The following NEDD4L variants were observed in gnomAD, a reference collection of about 807,000 sequenced individuals.
The protein encoded by NEDD4L is E3 ubiquitin-protein ligase NEDD4-like.
In NEDD4L, 54 loss-of-function variants were observed where a neutral mutation model predicts 148.9. The observed-to-expected ratio is 0.36, with a 90% CI of 0.29 to 0.45. The LOEUF is 0.45. NEDD4L is among the 20% of genes least tolerant of loss of function. The pLI is 1.00. For missense variants in NEDD4L, 856 were observed against 1,233.8 expected (o/e 0.69, Z 4.59); for synonymous variants, 433 against 440.7 (o/e 0.98, Z 0.22).
chr18:58,351,272 T>C (rs1225872890), intron 18 of NEDD4L: 6 of 699,958 alleles, frequency 8.6e-6, no homozygotes, highest in Non-Finnish European at 1.1e-5. Flanking sequence ...TTGTGACCTA[T>C]TAACGTGTTT....
intron 18 of NEDD4L, among the ~76,000 whole-genome samples, chr18:58,352,856 A>G (rs1376717210): frequency 2.6e-5 from 4 of 152,200 alleles, no homozygotes; most frequent in Non-Finnish European, 5.9e-5. Flanking sequence ...GGTCCCCCTA[A>G]AAAGAATGTT....
At chr18:58,136,812 A>G (rs1182915316) in intron 1 of NEDD4L, among the ~76,000 whole-genome samples, 1 of 152,212 alleles carries the variant, frequency 6.6e-6, no homozygotes, top group Non-Finnish European at 1.5e-5. Flanking sequence ...TTTAAAAGGT[A>G]CAATCCAGAA....
At position 58,067,036 on chromosome 18, in the gene NEDD4L, T is replaced by A. The variant is rs556593057; in HGVS notation, c.48+22328T>A. ...CAGAATTTGTCATTTTAAAAAAAAA[T>A]TTTTAAGATTAGCTTATCAATTTAA... On this transcript the variant is annotated intron_variant, in intron 1 of 30. Transcript: ENST00000400345. Among the ~76,000 whole-genome samples, 582 of 152,240 alleles carry A rather than the reference T, an allele frequency of 3.8e-3. 3 individuals are homozygous for A. The highest frequency in any genetic ancestry group is 6.2e-3 in the Non-Finnish European group (419 of 67,994).
chr18:58,366,145 T>C lies in NEDD4L; in HGVS notation c.1980T>C (p.Tyr660=), dbSNP rs202013710. The C allele has an allele frequency of 6.9e-4, 1,117 of 1,613,558 alleles. 3 individuals carry two copies. Among genetic ancestry groups the C allele is most frequent in the Non-Finnish European group, 6.4e-4 (757 of 1,179,778 alleles). The part of the protein sequence containing the change: ...IEFESEKGLD[Y]GGVAREWFFL... Reference sequence around the variant, plus strand: ...TTGAATCAGAGAAAGGTCTTGACTATGGGGGTGTGGCCAGAGAATGGTTCT... The same window carrying C: ...TTGAATCAGAGAAAGGTCTTGACTACGGGGGTGTGGCCAGAGAATGGTTCT... The change falls in exon 21 of 31, where the codon TAT becomes TAC. Residue 660 remains tyrosine, a synonymous_variant. Transcript: ENST00000400345. The surrounding 1 kb of genome is among the most constrained non-coding windows in gnomAD (Gnocchi z 4.2).
At chr18:58,165,636 T>C in intron 1 of NEDD4L, 152 bp from the exon 2 acceptor site, 1 of 1,510,306 alleles carries the variant, frequency 6.6e-7, no homozygotes, top group Non-Finnish European at 8.9e-7. Flanking sequence ...CTTTTTGAAC[T>C]TCAGTGTAAG....
chr18:58,063,876 C>T (rs556816576), intron 1 of NEDD4L, among the ~76,000 whole-genome samples: 5 of 149,592 alleles, frequency 3.3e-5, no homozygotes, highest in Non-Finnish European at 7.4e-5. Flanking sequence ...TTTTAAGCTT[C>T]GGTAAGGTAG....
intron 2 of NEDD4L, among the ~76,000 whole-genome samples, chr18:58,240,708 G>A (rs550447723): frequency 3.3e-5 from 5 of 152,124 alleles, no homozygotes; most frequent in East Asian, 1.9e-4. Flanking sequence ...GAGGCCTTCC[G>A]TTGGGTCCCA....
intron 5 of NEDD4L, among the ~76,000 whole-genome samples, chr18:58,270,102 T>A (rs2050810707): frequency 6.6e-6 from 1 of 152,210 alleles, no homozygotes; most frequent in African/African-American, 2.4e-5. Flanking sequence ...CCAATACCAC[T>A]TTTCTCCAGG....
chr18:58,350,365 C>T (rs1466597409), intron 17 of NEDD4L, among the ~76,000 whole-genome samples: 1 of 152,146 alleles, frequency 6.6e-6, no homozygotes, highest in African/African-American at 2.4e-5. Context: ...CTGTTTGGTT[C>T]CTGGGTTCAA....
chr18:58,382,819 A>G (rs910756033), intron 24 of NEDD4L, among the ~76,000 whole-genome samples: 1 of 152,218 alleles, frequency 6.6e-6, no homozygotes, highest in African/African-American at 2.4e-5. Context: ...TGCATTTTTG[A>G]AAGAAATACC....
chr18:58,122,101 T>G (rs1170345928), intron 1 of NEDD4L, among the ~76,000 whole-genome samples: 1 of 152,270 alleles, frequency 6.6e-6, no homozygotes, highest in Non-Finnish European at 1.5e-5. Flanking sequence ...GGTAGCCCTT[T>G]GGCTTACAGC....
chr18:58,325,190 C>T (rs1436908804), intron 9 of NEDD4L, 28 bp downstream of exon 9: 13 of 1,611,376 alleles, frequency 8.1e-6, no homozygotes, highest in Admixed American at 1.7e-5. Flanking sequence ...GTCAGGAACA[C>T]GTGCACGTGC....
intron 18 of NEDD4L, among the ~76,000 whole-genome samples, chr18:58,353,579 G>A (rs4940667): frequency 0.38 from 58,207 of 152,138 alleles, 12,810 homozygotes; most frequent in African/African-American, 0.61. Flanking sequence ...GTACACGTCA[G>A]TGAAACAGTT....
At chr18:58,110,899 T>TC (rs2085378287) in intron 1 of NEDD4L, among the ~76,000 whole-genome samples, 1 of 152,242 alleles carries the variant, frequency 6.6e-6, no homozygotes, top group Non-Finnish European at 1.5e-5. Context: ...TATCCTTTTG[T>TC]CCAAGGTATT....
chr18:58,190,826 A>T (rs1256920332), intron 2 of NEDD4L, among the ~76,000 whole-genome samples: 1 of 152,162 alleles, frequency 6.6e-6, no homozygotes, highest in Non-Finnish European at 1.5e-5. Flanking sequence ...CAAATAGAAG[A>T]TGTAACAGTG....
At chr18:58,251,127 C>T (rs1413668104) in intron 4 of NEDD4L, among the ~76,000 whole-genome samples, 1 of 152,090 alleles carries the variant, frequency 6.6e-6, no homozygotes, top group East Asian at 1.9e-4. Flanking sequence ...AGGGTCTCGG[C>T]TCCTCATTTA....
At chr18:58,125,572 C>A (rs561812448) in intron 1 of NEDD4L, among the ~76,000 whole-genome samples, 1 of 152,242 alleles carries the variant, frequency 6.6e-6, no homozygotes, top group Non-Finnish European at 1.5e-5. Flanking sequence ...TGCCTCTGAG[C>A]CCTTATATGA....
intron 1 of NEDD4L, among the ~76,000 whole-genome samples, chr18:58,068,276 T>C (rs2082709182): frequency 6.6e-6 from 1 of 150,710 alleles, no homozygotes; most frequent in Non-Finnish European, 1.5e-5. Flanking sequence ...CTTGGCTCAT[T>C]GCAAACTCCG....
intron 1 of NEDD4L, among the ~76,000 whole-genome samples, chr18:58,071,780 A>C (rs113505430): frequency 6.6e-6 from 1 of 152,188 alleles, no homozygotes; most frequent in Admixed American, 6.5e-5. Flanking sequence ...ATGAGGTGCA[A>C]AGTCATGTCT....
Sources: gnomAD v4.1 joint callset for allele counts (sites outside exome capture counted in the v4.1 genomes callset) on GRCh38, gnomAD v4.1.1 for gene constraint, Gnocchi (gnomAD v3.1) non-coding constraint, MANE v1.5 for transcripts, NCBI Gene and HGNC (gene_info 2026-07-23, HGNC 2026-07-21) for gene names.